MED24: variants seen among roughly 807,000 people sequenced by gnomAD.
The protein encoded by MED24 is mediator of RNA polymerase II transcription subunit 24.
Under a neutral mutation model 118.8 loss-of-function variants are expected in MED24, and 74 were observed. That is an observed-to-expected ratio of 0.62 (90% CI 0.52 to 0.76). The LOEUF is 0.76. Among genes scored for constraint, MED24 ranks in the 30% least tolerant of loss-of-function variants. The pLI is 0.00. For synonymous variants in MED24, 521 were observed against 523.9 expected, an observed-to-expected ratio of 0.99 and a Z score of 0.08; for missense variants, 1,041 against 1,278.9, an observed-to-expected ratio of 0.81 and a Z score of 2.84.
At chr17:40,039,592 C>A (rs1032325017) in intron 3 of MED24, among the ~76,000 whole-genome samples, 1 of 152,148 alleles carries the variant, frequency 6.6e-6, no homozygotes, top group African/African-American at 2.4e-5. Context: ...ACTTCAGCCT[C>A]TTTCTCTTTC....
intron 3 of MED24, among the ~76,000 whole-genome samples, chr17:40,041,680 T>C (rs1429389946): frequency 6.6e-6 from 1 of 152,218 alleles, no homozygotes; most frequent in Non-Finnish European, 1.5e-5. Flanking sequence ...AGCTATCTAA[T>C]GTCCAAACCA....
At chr17:40,028,530 G>A (rs1982988727) in intron 14 of MED24, among the ~76,000 whole-genome samples, 1 of 151,928 alleles carries the variant, frequency 6.6e-6, no homozygotes, top group South Asian at 2.1e-4. Context: ...GAATTTGAGA[G>A]CCCCTTATTA....
intron 19 of MED24, among the ~76,000 whole-genome samples, chr17:40,023,923 G>A (rs1476838151): frequency 2.0e-5 from 3 of 152,212 alleles, no homozygotes; most frequent in Non-Finnish European, 2.9e-5. Flanking sequence ...CTTCGGAAGT[G>A]AATACAGACC....
At chr17:40,053,693 G>A (rs761094084) in intron 1 of MED24, 58 bp from the exon 2 acceptor site, 5 of 1,595,224 alleles carry the variant, frequency 3.1e-6, no homozygotes, top group South Asian at 1.1e-5. Context: ...AGGAGAACCG[G>A]GGAAGGCAGA....
At chr17:40,026,107 T>TTCTC (rs2144878234) in intron 19 of MED24, 49 bp downstream of exon 19, 3 of 1,564,320 alleles carry the variant, frequency 1.9e-6, no homozygotes, top group Non-Finnish European at 2.6e-6. Context: ...ATGTGCTGAC[T>TTCTC]TCTCACAACA....
intron 22 of MED24, 42 bp downstream of exon 22, chr17:40,022,352 C>CGGTGAACAAGTGAAGCCG: frequency 6.4e-7 from 1 of 1,554,246 alleles, no homozygotes; most frequent in Non-Finnish European, 8.8e-7. Context: ...TGTAACAAAC[C>CGGTGAACAAGTGAAGCCG]GGTGAACAAG....
At chr17:40,037,231 GGAAGGAAA>G (rs990865670) in intron 3 of MED24, among the ~76,000 whole-genome samples, 37 of 150,692 alleles carry the variant, frequency 2.5e-4, no homozygotes, top group East Asian at 9.7e-4. Context: ...AAGGAAGGAA[GGAAGGAAA>G]GAAGGAAAGA....
chr17:40,035,904 G>C (rs1402394124), intron 4 of MED24, 109 bp from the exon 5 acceptor site: 1 of 1,187,042 alleles, frequency 8.4e-7, no homozygotes, highest in Non-Finnish European at 1.2e-6. Flanking sequence ...TCCAACCCTG[G>C]GTTCCAGACT....
chr17:40,019,586 C>G lies in MED24; in HGVS notation c.2913G>C (p.Thr971=). Residue 971 remains threonine, a synonymous_variant, in exon 26 of 26, where the codon ACG becomes ACC. Coordinates refer to ENST00000394128, the MANE Select transcript of MED24 (RefSeq NM_014815.4). ...MSSPKVVLAI[T]DLSLPLGRQV... is the part of the protein sequence containing the mutation. ...GGCGGCCCAGGGGCAGGCTGAGGTC[C>G]GTGATGGCCAGAACCACCTTGGGGC... 1.9e-6 allele frequency: 3 copies of G among 1,611,944 alleles called. No individual in the cohort carries two copies. The highest frequency in any genetic ancestry group is 2.5e-6 in the Non-Finnish European group (3 of 1,178,974).
At chr17:40,025,911 G>A (rs765638384) in intron 19 of MED24, among the ~76,000 whole-genome samples, 7 of 152,124 alleles carry the variant, frequency 4.6e-5, no homozygotes, top group Non-Finnish European at 1.0e-4. Context: ...GAGTCTCTGC[G>A]GGCAGACCCT....
intron 20 of MED24, 65 bp downstream of exon 20, chr17:40,023,066 A>T: frequency 4.5e-6 from 7 of 1,554,046 alleles, no homozygotes; most frequent in Non-Finnish European, 6.1e-6. Flanking sequence ...CTGGCAGACC[A>T]GGCCAGGTGT....
In MED24 at chr17:40,019,472, T is replaced by G; in HGVS notation, c.*57A>C. 6.9e-7 allele frequency: 1 copy of G among 1,455,240 alleles called. No homozygotes were observed. The highest frequency in any genetic ancestry group is 2.3e-5 in the East Asian group (1 of 43,954). 90.1% of individuals were successfully genotyped at this position (1,455,240 alleles called of 1,614,324 possible). On this transcript the variant is annotated 3_prime_UTR_variant, in exon 26 of 26. Coordinates refer to ENST00000394128, the MANE Select transcript of MED24 (RefSeq NM_014815.4). ...CCTCATCTTTCCTCACTGCTTCCCT[T>G]GGAGGCGCCTGGGGCTGCGCCAGTC...
chr17:40,030,919 G>A (rs1983295758), intron 12 of MED24, among the ~76,000 whole-genome samples: 1 of 152,046 alleles, frequency 6.6e-6, no homozygotes, highest in African/African-American at 2.4e-5. Flanking sequence ...CTCCAGCCTA[G>A]GATTTTTACT....
intron 3 of MED24, among the ~76,000 whole-genome samples, chr17:40,037,231 G>A (rs148409747): frequency 1.3e-5 from 2 of 150,572 alleles, no homozygotes; most frequent in South Asian, 2.1e-4. Flanking sequence ...AAGGAAGGAA[G>A]GAAGGAAAGA....
At chr17:40,032,879 G>T in intron 8 of MED24, 117 bp from the exon 9 acceptor site, 1 of 1,285,234 alleles carries the variant, frequency 7.8e-7, no homozygotes, top group Non-Finnish European at 1.1e-6. Context: ...GCTCAGCTAT[G>T]TGCTGAGAAC....
chr17:40,044,907 G>A (rs902122632), intron 3 of MED24, among the ~76,000 whole-genome samples: 7 of 151,218 alleles, frequency 4.6e-5, no homozygotes, highest in Non-Finnish European at 1.0e-4. Context: ...TATATCCAGC[G>A]TTGGCAAAGG....
intron 3 of MED24, among the ~76,000 whole-genome samples, chr17:40,044,515 A>C (rs767276577): frequency 6.7e-6 from 1 of 148,228 alleles, no homozygotes; most frequent in Non-Finnish European, 1.5e-5. Flanking sequence ...GGGAGACTCC[A>C]TCTCAAAAAA....
At chr17:40,022,587 G>T in intron 21 of MED24, 58 bp downstream of exon 21, 1 of 1,606,176 alleles carries the variant, frequency 6.2e-7, no homozygotes, top group Non-Finnish European at 8.5e-7. Context: ...GTGGCACCAG[G>T]CGAGGGGTGC....
At chr17:40,020,469 G>C in intron 23 of MED24, 116 bp from the exon 24 acceptor site, 2 of 1,542,716 alleles carry the variant, frequency 1.3e-6, no homozygotes, top group Middle Eastern at 3.4e-4. Flanking sequence ...TACATGGAGA[G>C]CCCAGAGAAG....
Sources: allele counts gnomAD v4.1 joint callset (sites outside exome capture counted in the v4.1 genomes callset), GRCh38; gene constraint gnomAD v4.1.1; transcripts MANE v1.5; gene names NCBI Gene and HGNC (gene_info 2026-07-23, HGNC 2026-07-21).